The following MOG variants were observed in gnomAD, a reference collection of about 807,000 sequenced individuals.
MOG encodes myelin-oligodendrocyte glycoprotein.
Under a neutral mutation model 35.9 loss-of-function variants are expected in MOG, and 20 were observed. The observed-to-expected ratio is 0.56, with a 90% CI of 0.39 to 0.81. The LOEUF is 0.81. MOG is among the 30% of genes least tolerant of loss of function. The probability of loss-of-function intolerance (pLI) is 0.00; values close to 1 mark genes in which losing one functional copy is unlikely to be tolerated. For missense variants in MOG, 251 were observed against 301.0 expected (o/e 0.83, Z 1.23); for synonymous variants, 92 against 114.3 (o/e 0.80, Z 1.25).
chr6:29,657,663 C>CTTTTTTTTT (rs9278226), intron 1 of MOG, among the ~76,000 whole-genome samples: 8 of 110,040 alleles, frequency 7.3e-5, no homozygotes, highest in Non-Finnish European at 1.1e-4. Context: ...TTTTTCTTTT[C>CTTTTTTTTT]TTTTTTTTTT....
At chr6:29,668,469 G>T (rs148942779) in intron 5 of MOG, among the ~76,000 whole-genome samples, 200 of 152,304 alleles carry the variant, frequency 1.3e-3, no homozygotes, top group Admixed American at 2.1e-3. Context: ...AATGCCTAAA[G>T]ATAATGGCAA....
intron 2 of MOG, among the ~76,000 whole-genome samples, chr6:29,664,427 G>A (rs1250323070): frequency 2.6e-5 from 4 of 151,890 alleles, no homozygotes; most frequent in South Asian, 2.1e-4. Flanking sequence ...AGCCGGTCTC[G>A]AACTCCTGAC....
chr6:29,659,390 C>G lies in MOG; in HGVS notation c.160C>G (p.Arg54Gly), dbSNP rs373194309. Residue 54 changes from arginine (R) to glycine (G), a missense_variant, in exon 2 of 8, where the codon CGC becomes GGC. Transcript: ENST00000376917. Reference protein sequence around the residue: ...LVGDEVELPCRISPGKNATGM... With the variant: ...LVGDEVELPCGISPGKNATGM... ...CGGGGATGAAGTGGAATTGCCATGT[C>G]GCATATCTCCTGGGAAGAACGCTAC... is the stretch of plus-strand genomic sequence containing the variant. The G allele has an allele frequency of 2.0e-5, 33 of 1,612,924 alleles. No individual in the cohort carries two copies. The highest frequency in any genetic ancestry group is 2.7e-5 in the Non-Finnish European group (32 of 1,179,976).
chr6:29,665,451 G>T (rs2907893), intron 2 of MOG, among the ~76,000 whole-genome samples: 7,625 of 151,980 alleles, frequency 0.05, 22 homozygotes, highest in African/African-American at 0.13. Flanking sequence ...TATTATTGTG[G>T]TGTATCGCCT....
intron 3 of MOG, 90 bp from the exon 4 acceptor site, chr6:29,667,553 T>C (rs1770484282): frequency 7.3e-7 from 1 of 1,360,858 alleles, no homozygotes; most frequent in Non-Finnish European, 1.1e-6. Context: ...AGAAATAGCC[T>C]GCACAAGGGG....
intron 2 of MOG, chr6:29,664,004 T>C: frequency 3.5e-6 from 2 of 577,406 alleles, no homozygotes; most frequent in Non-Finnish European, 4.4e-6. Context: ...GAAAAGGGCT[T>C]CAGCTGCAGC....
Position 29,671,629 on chromosome 6 carries a change from C to A in MOG, c.*444C>A. On this transcript the variant is annotated 3_prime_UTR_variant, in exon 8 of 8. Transcript: ENST00000376917. ...GCCCTGATTGCGCAAAACTGAAAGG[C>A]ATGTGAAGGGAAGGAAGAGGAAGAG... 1 of 645,866 alleles carries A rather than the reference C, an allele frequency of 1.5e-6. No individual in the cohort carries two copies. The highest frequency in any genetic ancestry group is 2.8e-6 in the Non-Finnish European group (1 of 360,820). The allele number at this position is 645,866 out of a possible 1,614,324, so 40.0% of individuals were successfully genotyped here.
rs1386359473 is a variant in MOG at position 29,670,962 on chromosome 6, C to G, written c.731-210C>G. On this transcript the variant is annotated intron_variant, in intron 7 of 7. Coordinates refer to ENST00000376917, the MANE Select transcript of MOG (RefSeq NM_206809.4). This position sits in a 1 kb window ranked among gnomAD's most constrained non-coding sequence, Gnocchi z 4.2. ...ACTCCTATCTGCCACCTGATCCATT[C>G]CTCCTTCACTGCCCCTAAGCAGGAA... is the stretch of plus-strand genomic sequence containing the variant. 6.2e-7 allele frequency: 1 copy of G among 1,612,260 alleles called. No individual in the cohort carries two copies. Among genetic ancestry groups the G allele is most frequent in the Admixed American group, 1.7e-5 (1 of 59,948 alleles).
At chr6:29,663,204 G>A (rs1225915748) in intron 2 of MOG, among the ~76,000 whole-genome samples, 3 of 149,450 alleles carry the variant, frequency 2.0e-5, no homozygotes, top group Non-Finnish European at 4.4e-5. Context: ...CCCGGGAGGC[G>A]GAGCTTGCAG....
intron 2 of MOG, among the ~76,000 whole-genome samples, chr6:29,660,525 G>T (rs2535261): frequency 8.1e-6 from 1 of 123,472 alleles, no homozygotes; most frequent in African/African-American, 3.1e-5. Flanking sequence ...GCGAGACTCC[G>T]TCTCAAAAAA....
At chr6:29,658,632 G>A (rs1314531720) in intron 1 of MOG, among the ~76,000 whole-genome samples, 1 of 152,218 alleles carries the variant, frequency 6.6e-6, no homozygotes. Flanking sequence ...CCCATAGGAG[G>A]ATTCAACCTC....
At chr6:29,661,604 T>A in intron 2 of MOG, 1 of 938,360 alleles carries the variant, frequency 1.1e-6, no homozygotes, top group Non-Finnish European at 1.3e-6. Flanking sequence ...GTGGATCACC[T>A]GAGGTCGGGA....
intron 2 of MOG, among the ~76,000 whole-genome samples, chr6:29,660,092 G>A (rs528763669): frequency 1.6e-4 from 24 of 151,856 alleles, no homozygotes; most frequent in Non-Finnish European, 2.5e-4. Context: ...AGGCTGAGAC[G>A]GGAGGCTGGC....
At chr6:29,660,458 A>G (rs1160831126) in intron 2 of MOG, among the ~76,000 whole-genome samples, 2 of 149,736 alleles carry the variant, frequency 1.3e-5, no homozygotes, top group East Asian at 4.0e-4. Flanking sequence ...GTGAACCCGG[A>G]AGCGGAGGTT....
rs1315064149 is a variant in MOG at position 29,666,272 on chromosome 6, G to A, written c.550+7G>A. 1 of 1,529,986 alleles carries A rather than the reference G, an allele frequency of 6.5e-7. No homozygotes were observed. The allele number at this position is 1,529,986 out of a possible 1,614,324, so 94.8% of individuals were successfully genotyped here. A position where few individuals can be genotyped will look rare whatever the true frequency, so the allele number is the denominator to read the frequency against. ...CTGCAGTACAGACTGAGAGGTACAG[G>A]GCAGAGGGTGGGTGGATCAGGATCC... On this transcript the variant is annotated splice_region_variant and intron_variant, in intron 3 of 7. Transcript: ENST00000376917.
rs764199753 is a variant in MOG, at chr6:29,671,204, A to G, written c.*19A>G. ...CTTCTGAGTGATGTCACATCTTGGC[A>G]GGGGTGGAGGAGAGCCTGGTTGCCC... On this transcript the variant is annotated 3_prime_UTR_variant, in exon 8 of 8. Transcript: ENST00000376917. The G allele has an allele frequency of 3.7e-6, 6 of 1,612,828 alleles. No homozygotes were observed. The South Asian group carries it at 6.6e-5, about 18-fold the overall frequency.
At chr6:29,661,306 A>G (rs1388663502) in intron 2 of MOG, 1 of 897,126 alleles carries the variant, frequency 1.1e-6, no homozygotes, top group Non-Finnish European at 1.3e-6. Flanking sequence ...ATGTGGAACA[A>G]CAAAGCACTA....
chr6:29,659,505 C>T lies in MOG; in HGVS notation c.275C>T (p.Pro92Leu). The part of the protein sequence containing the change: ...NGKDQDGDQA[P>L]EYRGRTELLK... ...AAGGACCAAGATGGAGACCAGGCAC[C>T]TGAATATCGGGGCCGGACAGAGCTG... The change falls in exon 2 of 8, where the codon CCT becomes CTT. Residue 92 changes from proline to leucine, a missense_variant. Transcript: ENST00000376917. 6.2e-7 allele frequency: 1 copy of T among 1,613,012 alleles called. No homozygotes were observed. Among genetic ancestry groups the T allele is most frequent in the Non-Finnish European group, 8.5e-7 (1 of 1,180,018 alleles).
At chr6:29,663,117 A>G (rs1427757704) in intron 2 of MOG, among the ~76,000 whole-genome samples, 1 of 151,974 alleles carries the variant, frequency 6.6e-6, no homozygotes, top group Non-Finnish European at 1.5e-5. Flanking sequence ...CAAATACAAA[A>G]ACAAAATTAG....
Sources: gnomAD v4.1 joint callset for allele counts (sites outside exome capture counted in the v4.1 genomes callset) on GRCh38, gnomAD v4.1.1 for gene constraint, Gnocchi (gnomAD v3.1) non-coding constraint, MANE v1.5 for transcripts, NCBI Gene and HGNC (gene_info 2026-07-23, HGNC 2026-07-21) for gene names.